Variants in RABGAP1 observed in about 807,000 individuals in gnomAD.
RABGAP1 encodes the protein rab GTPase-activating protein 1.
A neutral mutation model predicts 137.6 loss-of-function variants in RABGAP1; 23 were observed. The ratio of observed to expected loss-of-function variants is 0.17; its 90% confidence interval spans 0.12 to 0.24. The LOEUF (loss-of-function observed/expected upper bound fraction) is 0.24. Ranked by LOEUF, RABGAP1 falls within the 10% of genes least tolerant of loss-of-function variation. The pLI, the probability that RABGAP1 is intolerant of heterozygous loss-of-function variation, is 1.00. For missense variants in RABGAP1, 906 were observed against 1,275.8 expected (o/e 0.71, Z 4.42); for synonymous variants, 451 against 450.7 (o/e 1.00, Z -0.01).
chr9:122,966,234 T>C (rs1367809572), intron 2 of RABGAP1, among the ~76,000 whole-genome samples: 5 of 152,014 alleles, frequency 3.3e-5, no homozygotes, highest in Admixed American at 6.6e-5. Context: ...TTTAAAGCTA[T>C]GAAATTATGG....
intron 1 of RABGAP1, among the ~76,000 whole-genome samples, chr9:122,948,164 G>T (rs1304945305): frequency 1.3e-5 from 2 of 151,916 alleles, no homozygotes; most frequent in Admixed American, 1.3e-4. Context: ...AAACCCACAG[G>T]AATTATCCTG....
intron 14 of RABGAP1, among the ~76,000 whole-genome samples, chr9:123,068,993 A>G (rs190411654): frequency 9.2e-5 from 14 of 152,352 alleles, no homozygotes; most frequent in African/African-American, 1.7e-4. Flanking sequence ...CAAACAAGGA[A>G]TAGCATGTTG....
intron 2 of RABGAP1, among the ~76,000 whole-genome samples, chr9:122,970,142 G>A (rs990760979): frequency 1.3e-5 from 2 of 149,862 alleles, no homozygotes; most frequent in African/African-American, 4.9e-5. Flanking sequence ...TTGAACTCTT[G>A]GCCTCAAGTG....
chr9:122,974,053 G>C (rs964390275), intron 2 of RABGAP1, among the ~76,000 whole-genome samples: 1 of 151,908 alleles, frequency 6.6e-6, no homozygotes, highest in African/African-American at 2.4e-5. Flanking sequence ...CTTGTCCTCT[G>C]TAATGCAGAT....
chr9:123,013,333 C>T (rs1029100959), intron 11 of RABGAP1, among the ~76,000 whole-genome samples: 9 of 95,090 alleles, frequency 9.5e-5, no homozygotes, highest in Admixed American at 4.2e-4. Flanking sequence ...TGCCCTTGAG[C>T]CTTTCTTTTT....
At chr9:123,009,909 A>T (rs1245084679) in intron 10 of RABGAP1, among the ~76,000 whole-genome samples, 2 of 152,210 alleles carry the variant, frequency 1.3e-5, no homozygotes, top group Non-Finnish European at 2.9e-5. Context: ...GAATTTTCTT[A>T]GTCTTGAAGT....
At chr9:123,029,770 C>G in intron 13 of RABGAP1, 1 of 586,018 alleles carries the variant, frequency 1.7e-6, no homozygotes, top group South Asian at 1.4e-5. Context: ...GCTCGGAGAG[C>G]AGTGGCGAAC....
At chr9:123,028,719 A>G (rs2032126852) in intron 13 of RABGAP1, among the ~76,000 whole-genome samples, 1 of 152,220 alleles carries the variant, frequency 6.6e-6, no homozygotes, top group Non-Finnish European at 1.5e-5. Context: ...CAGGCAGGTT[A>G]TATATTCCGG....
At chr9:123,022,976 T>G (rs1192226659) in intron 13 of RABGAP1, among the ~76,000 whole-genome samples, 3 of 152,134 alleles carry the variant, frequency 2.0e-5, no homozygotes, top group African/African-American at 7.2e-5. Flanking sequence ...CTGTCAAAGT[T>G]TGCATATAAG....
At chr9:122,939,468 GGCCTTTTTTATTAAA>G, upstream of RABGAP1, 1 of 137,556 alleles carries the variant, frequency 7.3e-6, no homozygotes, top group Non-Finnish European at 1.5e-5. Flanking sequence ...CACCACACCT[GGCCTTTTTTATTAAA>G]AAAAATTTTT....
intron 19 of RABGAP1, among the ~76,000 whole-genome samples, chr9:123,085,522 T>C (rs1300880673): frequency 2.6e-5 from 4 of 152,228 alleles, no homozygotes; most frequent in African/African-American, 9.6e-5. Context: ...AGAACAAGGA[T>C]TGAATTTCAA....
chr9:122,947,456 C>T (rs184823450), intron 1 of RABGAP1, among the ~76,000 whole-genome samples: 1 of 152,166 alleles, frequency 6.6e-6, no homozygotes, highest in Non-Finnish European at 1.5e-5. Context: ...TTGTACACTT[C>T]CGTGGCTAAG....
intron 13 of RABGAP1, among the ~76,000 whole-genome samples, chr9:123,023,479 A>T (rs1157293025): frequency 6.6e-6 from 1 of 152,088 alleles, no homozygotes; most frequent in Admixed American, 6.6e-5. Context: ...CACCACACCC[A>T]TCCTTGAATT....
At chr9:122,940,994 A>AGGGGGTGGGGGGGCGGGG (rs1833509942), upstream of RABGAP1, 4 of 2,384 alleles carry the variant, frequency 1.7e-3, no homozygotes, top group Non-Finnish European at 3.3e-3. Context: ...CACGTGAGTA[A>AGGGGGTGGGGGGGCGGGG]AGGGGTGGGG....
Position 123,076,619 on chromosome 9 carries a change from T to G in RABGAP1, c.2296-15T>G. 1.9e-6 allele frequency: 3 copies of G among 1,583,700 alleles called. No homozygotes were observed. Among genetic ancestry groups the G allele is most frequent in the Non-Finnish European group, 2.6e-6 (3 of 1,169,838 alleles). ...GCAACACATTTTTTCTATATGTGTT[T>G]GTATTTTCTTCAAGACTTCGAAAGA... On this transcript the variant is annotated splice_polypyrimidine_tract_variant and intron_variant, in intron 18 of 25. Transcript: ENST00000373647.
chr9:123,084,458 C>A (rs1225912757), intron 19 of RABGAP1, among the ~76,000 whole-genome samples: 1 of 152,214 alleles, frequency 6.6e-6, no homozygotes, highest in South Asian at 2.1e-4. Context: ...TCTCGCCATG[C>A]AGAGCTACTA....
chr9:123,098,898 C>T (rs564042738), intron 23 of RABGAP1, 100 bp downstream of exon 23: 6 of 644,670 alleles, frequency 9.3e-6, no homozygotes, highest in Non-Finnish European at 1.6e-5. Context: ...AATGCAAGCA[C>T]CCTGGTTTCA....
intron 11 of RABGAP1, among the ~76,000 whole-genome samples, 196 bp from the exon 12 acceptor site, chr9:123,015,342 CAAAAG>C (rs1369867976): frequency 4.6e-5 from 5 of 109,478 alleles, no homozygotes; most frequent in African/African-American, 1.4e-4. Flanking sequence ...ATGTGGAAAA[CAAAAG>C]AGAATTAAAG....
intron 20 of RABGAP1, 142 bp downstream of exon 20, chr9:123,089,992 G>A: frequency 1.2e-6 from 1 of 806,248 alleles, no homozygotes; most frequent in African/African-American, 1.7e-5. Flanking sequence ...TAGCAAGCAA[G>A]ATCTGTTTTT....
Sources: gnomAD v4.1 joint callset for allele counts (sites outside exome capture counted in the v4.1 genomes callset) on GRCh38, gnomAD v4.1.1 for gene constraint, MANE v1.5 for transcripts, NCBI Gene and HGNC (gene_info 2026-07-23, HGNC 2026-07-21) for gene names.